Variants in ELFN1 observed in about 807,000 individuals in gnomAD.
ELFN1 encodes the protein extracellular leucine rich repeat and fibronectin type III domain containing 1, also known as protein ELFN1.
In ELFN1, 6 loss-of-function variants were observed where a neutral mutation model predicts 7.6. The ratio of observed to expected loss-of-function variants is 0.79; its 90% CI spans 0.43 to 1.56. The LOEUF (loss-of-function observed/expected upper bound fraction) is 1.56. Among genes scored for constraint, ELFN1 ranks in the 40% most tolerant of loss-of-function variants. The pLI, the probability that ELFN1 is intolerant of heterozygous loss-of-function variation, is 0.01. For missense variants in ELFN1, 1,169 were observed against 1,232.2 expected (o/e 0.95, Z 0.77); for synonymous variants, 657 against 588.1 (o/e 1.12, Z -1.70).
At chr7:1,689,942 GAC>G (rs1583319700) in intron 2 of ELFN1, among the ~76,000 whole-genome samples, 1 of 152,198 alleles carries the variant, frequency 6.6e-6, no homozygotes, top group East Asian at 1.9e-4. Flanking sequence ...GAGCCCTCTG[GAC>G]ACCTGGCATC....
At chr7:1,666,835 G>A (rs1007936187), upstream of ELFN1, among the ~76,000 whole-genome samples, 11 of 151,844 alleles carry the variant, frequency 7.2e-5, no homozygotes, top group African/African-American at 2.7e-4. This position sits in a 1 kb window ranked among gnomAD's most constrained non-coding sequence, Gnocchi z 7.9. Flanking sequence ...TTGAACCTCC[G>A]GAGGGGGTGT....
At chr7:1,701,673 A>G (rs1230424648) in intron 2 of ELFN1, among the ~76,000 whole-genome samples, 3 of 152,092 alleles carry the variant, frequency 2.0e-5, no homozygotes, top group Admixed American at 2.0e-4. Context: ...ACAGATGTGC[A>G]TGCTTGTAGT....
rs1440919653 is a variant in ELFN1, at chr7:1,744,430, T to G, written c.-167T>G. 2.6e-6 allele frequency: 2 copies of G among 761,544 alleles called. No individual in the cohort carries two copies. The highest frequency in any genetic ancestry group is 2.0e-6 in the Non-Finnish European group (1 of 509,898). The allele number at this position is 761,544 out of a possible 1,614,324, so 47.2% of individuals were successfully genotyped here. On this transcript the variant is annotated 5_prime_UTR_variant, in exon 4 of 4. Transcript: ENST00000424383. ...GCGGCCGGCCGTGAGGGAGGCGCCC[T>G]CCCTCCCCGCGCTTACGTCGCGCGG...
intron 1 of ELFN1, among the ~76,000 whole-genome samples, chr7:1,683,488 AT>A (rs1779010345): frequency 6.6e-6 from 1 of 152,164 alleles, no homozygotes; most frequent in African/African-American, 2.4e-5. Flanking sequence ...ATTCCTTTAT[AT>A]TTCCACATAC....
intron 3 of ELFN1, among the ~76,000 whole-genome samples, chr7:1,712,649 C>T (rs1378139794): frequency 6.6e-6 from 1 of 151,210 alleles, no homozygotes; most frequent in East Asian, 1.9e-4. Context: ...CCAGGCTGGT[C>T]TCAAACTCCT....
intron 2 of ELFN1, among the ~76,000 whole-genome samples, chr7:1,704,121 T>A: frequency 6.6e-6 from 1 of 152,162 alleles, no homozygotes; most frequent in East Asian, 1.9e-4. Context: ...GGCCTGGCAT[T>A]TGCCACAGGT....
intron 1 of ELFN1, among the ~76,000 whole-genome samples, chr7:1,674,867 C>T (rs372330779): frequency 1.3e-5 from 2 of 152,112 alleles, no homozygotes; most frequent in African/African-American, 4.8e-5. Flanking sequence ...CGGCCCGGGC[C>T]AGCCCAGCCA....
intron 3 of ELFN1, among the ~76,000 whole-genome samples, chr7:1,712,032 G>A (rs1779671348): frequency 6.6e-6 from 1 of 152,236 alleles, no homozygotes; most frequent in Non-Finnish European, 1.5e-5. Context: ...CTTTGCCACA[G>A]CCGTTGGGGA....
chr7:1,699,351 G>T (rs1779380396), intron 2 of ELFN1, among the ~76,000 whole-genome samples: 1 of 152,310 alleles, frequency 6.6e-6, no homozygotes, highest in Admixed American at 6.5e-5. Context: ...CAGTTTCCAA[G>T]TTGCAGCCAG....
rs946288715 is a variant in ELFN1 at position 1,695,194 on chromosome 7, A to G, written c.-456+7044A>G. Among the ~76,000 whole-genome samples the G allele has an allele frequency of 1.3e-5, 2 of 152,170 alleles. No homozygotes were observed. Among genetic ancestry groups the G allele is most frequent in the African/African-American group, 4.8e-5 (2 of 41,452 alleles). On this transcript the variant is annotated intron_variant, in intron 2 of 3. Coordinates refer to ENST00000424383, the MANE Select transcript of ELFN1 (RefSeq NM_001128636.4). This position sits in a 1 kb window ranked among gnomAD's most constrained non-coding sequence, Gnocchi z 5.1. ...CGCTGGGGCTGTGAGGGTTCTGTCC[A>G]TCCACCAGGAAGGCCACCAGGACCC... is the stretch of plus-strand genomic sequence containing the variant.
At chr7:1,672,657 G>T (rs1778789349) in intron 1 of ELFN1, among the ~76,000 whole-genome samples, 1 of 152,104 alleles carries the variant, frequency 6.6e-6, no homozygotes, top group Non-Finnish European at 1.5e-5. Flanking sequence ...GATTTTGATA[G>T]AATTTTCTAA....
At chr7:1,708,156 A>T (rs1779577193) in intron 2 of ELFN1, among the ~76,000 whole-genome samples, 1 of 152,070 alleles carries the variant, frequency 6.6e-6, no homozygotes, top group Non-Finnish European at 1.5e-5. Context: ...AGCATCATTC[A>T]TGGGGCTGGG....
intron 3 of ELFN1, among the ~76,000 whole-genome samples, chr7:1,736,783 CTG>C (rs1244515041): frequency 6.6e-6 from 1 of 152,182 alleles, no homozygotes; most frequent in Non-Finnish European, 1.5e-5. Context: ...ACCTGGGACT[CTG>C]GCTCTGGCCC....
At chr7:1,669,533 G>C (rs527383263), upstream of ELFN1, among the ~76,000 whole-genome samples, 1 of 152,374 alleles carries the variant, frequency 6.6e-6, no homozygotes, top group Non-Finnish European at 1.5e-5. Flanking sequence ...CGCTGTGTAG[G>C]GCCAGATTCT....
rs61158492 is a variant in ELFN1, at chr7:1,736,086, C to T, written c.-293-8218C>T. Among the ~76,000 whole-genome samples, 12 of 152,272 alleles carry T rather than the reference C, an allele frequency of 7.9e-5. No homozygotes were observed. The East Asian group carries it at 2.1e-3, about 27-fold the overall frequency. On this transcript the variant is annotated intron_variant, in intron 3 of 3. Coordinates refer to ENST00000424383, the MANE Select transcript of ELFN1 (RefSeq NM_001128636.4). ...GGTCACCGTGGCAGGCCTTGCGGCT[C>T]GAGGCCCAACTGCCCTGATATGCCT...
rs796238623 is a variant in ELFN1, at chr7:1,690,952, A to G, written c.-456+2802A>G. Among the ~76,000 whole-genome samples the G allele has an allele frequency of 3.0e-4, 45 of 152,308 alleles. 1 individual carries two copies. Among genetic ancestry groups the G allele is most frequent in the African/African-American group, 1.1e-3 (45 of 41,548 alleles). ...TGATGATGGAAGTAGATAATGAATG[A>G]GTGGATGATACATACAGAGACCTAC... On this transcript the variant is annotated intron_variant, in intron 2 of 3. Coordinates refer to ENST00000424383, the MANE Select transcript of ELFN1 (RefSeq NM_001128636.4).
intron 2 of ELFN1, among the ~76,000 whole-genome samples, chr7:1,696,638 T>G (rs1779319863): frequency 2.0e-5 from 3 of 152,084 alleles, no homozygotes; most frequent in African/African-American, 4.8e-5. Flanking sequence ...CCTGGCTCAA[T>G]CAGTCCTCCT....
intron 3 of ELFN1, among the ~76,000 whole-genome samples, chr7:1,723,075 T>C (rs1780072583): frequency 6.6e-6 from 1 of 152,114 alleles, no homozygotes; most frequent in Admixed American, 6.5e-5. Context: ...GTGCCTATAA[T>C]CCCAGCTACT....
rs550398452 is a variant in ELFN1 at position 1,736,570 on chromosome 7, C to T, written c.-293-7734C>T. Among the ~76,000 whole-genome samples, 11 of 152,340 alleles carry T rather than the reference C, an allele frequency of 7.2e-5. No individual in the cohort carries two copies. In the East Asian group the frequency reaches 2.1e-3, roughly 29 times the overall value. On this transcript the variant is annotated intron_variant, in intron 3 of 3. Transcript: ENST00000424383. ...AGGAACTTGGTGCCCACCTCACACG[C>T]ACTGTCCCCATCGTCCCCTGGGGGA...
Sources: gnomAD v4.1 joint callset for allele counts (sites outside exome capture counted in the v4.1 genomes callset) on GRCh38, gnomAD v4.1.1 for gene constraint, Gnocchi (gnomAD v3.1) non-coding constraint, MANE v1.5 for transcripts, NCBI Gene and HGNC (gene_info 2026-07-23, HGNC 2026-07-21) for gene names.